Variants in DNAI3 observed in about 807,000 individuals in gnomAD.
DNAI3 encodes dynein axonemal intermediate chain 3.
DNAI3 carries 83 observed loss-of-function variants against 115.5 expected under a neutral mutation model. That is an observed-to-expected ratio of 0.72 (90% CI 0.60 to 0.86). The LOEUF (loss-of-function observed/expected upper bound fraction) is 0.86. DNAI3 is among the 40% of genes least tolerant of loss of function. DNAI3 has a pLI of 0.00. For synonymous variants in DNAI3, 320 were observed against 347.0 expected (o/e 0.92, Z 0.86); for missense variants, 1,004 against 1,075.8 (o/e 0.93, Z 0.93).
At chr1:85,113,508 TTGTCCATATATA>T in intron 16 of DNAI3, among the ~76,000 whole-genome samples, 1 of 152,364 alleles carries the variant, frequency 6.6e-6, no homozygotes, top group Non-Finnish European at 1.5e-5. Flanking sequence ...CAAAAAACAC[TTGTCCATATATA>T]TGTGAGTCTA....
chr1:85,113,910 G>C (rs1655730826), intron 16 of DNAI3, among the ~76,000 whole-genome samples: 1 of 151,524 alleles, frequency 6.6e-6, no homozygotes, highest in African/African-American at 2.4e-5. Context: ...CTTTTGACAG[G>C]TTTATTTCTA....
chr1:85,082,533 C>A, intron 5 of DNAI3, 129 bp downstream of exon 5: 1 of 695,632 alleles, frequency 1.4e-6, no homozygotes, highest in East Asian at 2.9e-5. Flanking sequence ...CAACGTCAAT[C>A]TCCCAGGCCC....
intron 16 of DNAI3, among the ~76,000 whole-genome samples, chr1:85,114,270 C>A (rs1263672857): frequency 6.6e-6 from 1 of 152,116 alleles, no homozygotes; most frequent in African/African-American, 2.4e-5. Flanking sequence ...GCCTTGGCCT[C>A]CCAAAGTGCT....
intron 7 of DNAI3, among the ~76,000 whole-genome samples, chr1:85,086,587 G>A (rs533813324): frequency 1.2e-4 from 19 of 152,090 alleles, no homozygotes; most frequent in African/African-American, 3.9e-4. Context: ...GAATACCTGC[G>A]GTTCCACCTC....
intron 1 of DNAI3, among the ~76,000 whole-genome samples, 160 bp from the exon 2 acceptor site, chr1:85,071,768 T>C (rs1177581870): frequency 6.6e-6 from 1 of 152,240 alleles, no homozygotes; most frequent in African/African-American, 2.4e-5. Context: ...TAAGCCTTTG[T>C]CACAGAACAC....
chr1:85,099,597 G>C (rs1655231369), intron 13 of DNAI3, among the ~76,000 whole-genome samples: 1 of 152,132 alleles, frequency 6.6e-6, no homozygotes, highest in Admixed American at 6.5e-5. Context: ...GGCTACCAAT[G>C]ACTTTCTTCA....
chr1:85,095,566 C>G (rs1214656524), intron 10 of DNAI3, among the ~76,000 whole-genome samples: 1 of 152,190 alleles, frequency 6.6e-6, no homozygotes, highest in Non-Finnish European at 1.5e-5. Context: ...AAAACAGACA[C>G]AGATCCTGTC....
chr1:85,072,085 C>A, intron 2 of DNAI3, 80 bp downstream of exon 2: 3 of 1,296,554 alleles, frequency 2.3e-6, no homozygotes, highest in Middle Eastern at 2.0e-4. Flanking sequence ...TATGGTTTTA[C>A]ATATCAAATG....
At chr1:85,127,663 C>T (rs1038559303) in intron 20 of DNAI3, among the ~76,000 whole-genome samples, 1 of 152,210 alleles carries the variant, frequency 6.6e-6, no homozygotes, top group African/African-American at 2.4e-5. Context: ...GTGTCACAGT[C>T]AGACTACTGC....
chr1:85,097,422 A>T (rs1655155631), intron 11 of DNAI3, 147 bp from the exon 12 acceptor site: 11 of 510,600 alleles, frequency 2.2e-5, no homozygotes, highest in Admixed American at 8.6e-5. Context: ...AGCTTTAAAA[A>T]TTGCTGACTT....
intron 22 of DNAI3, among the ~76,000 whole-genome samples, chr1:85,130,835 G>A (rs115860531): frequency 1.8e-3 from 271 of 152,182 alleles, no homozygotes; most frequent in African/African-American, 6.2e-3. Flanking sequence ...CTTAAACTCT[G>A]CCAAAAAAGA....
At chr1:85,120,159 A>T (rs1219466251) in intron 17 of DNAI3, among the ~76,000 whole-genome samples, 1 of 152,204 alleles carries the variant, frequency 6.6e-6, no homozygotes, top group African/African-American at 2.4e-5. Flanking sequence ...AAACAGACAA[A>T]ATTCCCTGGC....
chr1:85,120,065 C>A (rs1655945530), intron 17 of DNAI3, among the ~76,000 whole-genome samples: 1 of 152,212 alleles, frequency 6.6e-6, no homozygotes, highest in African/African-American at 2.4e-5. Context: ...CTTGGAATTT[C>A]TTTACTCATC....
At chr1:85,121,706 T>C in intron 17 of DNAI3, 45 bp from the exon 18 acceptor site, 1 of 1,565,888 alleles carries the variant, frequency 6.4e-7, no homozygotes, top group Non-Finnish European at 8.8e-7. Flanking sequence ...GTCTTTTGTC[T>C]CTTAAGTTGT....
At chr1:85,067,529 T>C (rs868141014) in intron 1 of DNAI3, among the ~76,000 whole-genome samples, 1 of 152,242 alleles carries the variant, frequency 6.6e-6, no homozygotes, top group Non-Finnish European at 1.5e-5. Context: ...AACTGATACC[T>C]GTATTCAAGT....
intron 18 of DNAI3, among the ~76,000 whole-genome samples, chr1:85,122,049 G>A (rs1025002404): frequency 6.6e-6 from 1 of 152,114 alleles, no homozygotes; most frequent in African/African-American, 2.4e-5. Flanking sequence ...ATTGGAATCT[G>A]GATTTTAATA....
At chr1:85,115,510 G>A (rs1259084631) in intron 16 of DNAI3, among the ~76,000 whole-genome samples, 1 of 152,190 alleles carries the variant, frequency 6.6e-6, no homozygotes, top group Non-Finnish European at 1.5e-5. Flanking sequence ...TATCTCAAAG[G>A]ATGGGAAATC....
chr1:85,094,402 A>G, intron 9 of DNAI3, 29 bp from the exon 10 acceptor site: 1 of 1,613,302 alleles, frequency 6.2e-7, no homozygotes, highest in Non-Finnish European at 8.5e-7. Flanking sequence ...GTTGCTGCCA[A>G]CTTTAATTTC....
At chr1:85,115,902 C>T (rs554815320) in intron 16 of DNAI3, among the ~76,000 whole-genome samples, 1 of 152,322 alleles carries the variant, frequency 6.6e-6, no homozygotes, top group Admixed American at 6.5e-5. Context: ...CCAGTTCCTA[C>T]CAGGCCACGA....
Sources: gnomAD v4.1 joint callset for allele counts (sites outside exome capture counted in the v4.1 genomes callset) on GRCh38, gnomAD v4.1.1 for gene constraint, MANE v1.5 for transcripts, NCBI Gene and HGNC (gene_info 2026-07-23, HGNC 2026-07-21) for gene names.